The following MAP2K6 variants were observed in gnomAD, a reference collection of about 807,000 sequenced individuals.
MAP2K6 encodes dual specificity mitogen-activated protein kinase kinase 6.
A neutral mutation model predicts 53.7 loss-of-function variants in MAP2K6; 16 were observed. That is an observed-to-expected ratio of 0.30 (90% CI 0.20 to 0.45). The LOEUF (loss-of-function observed/expected upper bound fraction) is 0.45. MAP2K6 is among the 20% of genes least tolerant of loss of function. The pLI is 1.00. For missense variants in MAP2K6, 204 were observed against 411.9 expected (o/e 0.50, Z 4.37); for synonymous variants, 132 against 143.1 (o/e 0.92, Z 0.55).
chr17:69,449,529 T>TTTTCTTTCTTTCTTTC (rs1368624796), intron 1 of MAP2K6, among the ~76,000 whole-genome samples: 15 of 101,378 alleles, frequency 1.5e-4, no homozygotes, highest in Admixed American at 1.1e-3. Flanking sequence ...CTTTCTTTCT[T>TTTTCTTTCTTTCTTTC]TGTCTTTCTT....
chr17:69,541,601 T>C (rs1426482360), intron 11 of MAP2K6, 75 bp from the exon 12 acceptor site: 1 of 1,123,456 alleles, frequency 8.9e-7, no homozygotes, highest in Non-Finnish European at 1.3e-6. Flanking sequence ...ACCAAGCAGA[T>C]CTATTCATTT....
intron 10 of MAP2K6, among the ~76,000 whole-genome samples, chr17:69,530,306 T>A (rs1358117882): frequency 6.6e-6 from 1 of 151,820 alleles, no homozygotes; most frequent in Non-Finnish European, 1.5e-5. Flanking sequence ...CAGAGCAAGA[T>A]CCTGCCAAAA....
At chr17:69,425,546 C>T (rs1468692720) in intron 1 of MAP2K6, among the ~76,000 whole-genome samples, 1 of 152,152 alleles carries the variant, frequency 6.6e-6, no homozygotes, top group Non-Finnish European at 1.5e-5. Flanking sequence ...CTCCTGACCT[C>T]ATGATTCGCC....
chr17:69,505,166 G>A (rs1468111850), intron 1 of MAP2K6, among the ~76,000 whole-genome samples: 2 of 151,776 alleles, frequency 1.3e-5, no homozygotes, highest in African/African-American at 4.8e-5. Context: ...ACAAGGCCAG[G>A]CATGGTGGCT....
chr17:69,463,090 G>T (rs1194053746), intron 1 of MAP2K6, among the ~76,000 whole-genome samples: 2 of 151,584 alleles, frequency 1.3e-5, no homozygotes, highest in Non-Finnish European at 2.9e-5. Context: ...CTGACCTGTG[G>T]GTGCACCAGC....
intron 1 of MAP2K6, among the ~76,000 whole-genome samples, chr17:69,491,829 G>T (rs1014070921): frequency 6.6e-6 from 1 of 151,844 alleles, no homozygotes; most frequent in Non-Finnish European, 1.5e-5. Context: ...ATTCAGACTG[G>T]TCTGAGATGT....
intron 3 of MAP2K6, 26 bp downstream of exon 3, chr17:69,516,929 TA>T: frequency 6.5e-7 from 1 of 1,538,536 alleles, no homozygotes; most frequent in Non-Finnish European, 9.0e-7. Context: ...GTCTGCCACC[TA>T]ATACGTTGGC....
chr17:69,453,077 T>G (rs184866577), intron 1 of MAP2K6, among the ~76,000 whole-genome samples: 1 of 152,292 alleles, frequency 6.6e-6, no homozygotes, highest in Non-Finnish European at 1.5e-5. Flanking sequence ...ACACTTTGCC[T>G]TTTGCTGGGA....
chr17:69,499,799 C>T (rs184464656), intron 1 of MAP2K6, among the ~76,000 whole-genome samples: 6 of 152,104 alleles, frequency 3.9e-5, no homozygotes, highest in South Asian at 2.1e-4. Flanking sequence ...AAAAGGTTTG[C>T]GGGAAATGAG....
chr17:69,460,705 A>T (rs896392254), intron 1 of MAP2K6, among the ~76,000 whole-genome samples: 14 of 152,106 alleles, frequency 9.2e-5, no homozygotes, highest in Admixed American at 8.5e-4. Context: ...GGCTCAAGTG[A>T]TCCTCCCACC....
chr17:69,457,352 C>G (rs1907447123), intron 1 of MAP2K6, among the ~76,000 whole-genome samples: 1 of 152,148 alleles, frequency 6.6e-6, no homozygotes. Context: ...TGGTATTTAC[C>G]TGGAAATCTT....
At chr17:69,534,552 TTC>T (rs77579364) in intron 10 of MAP2K6, among the ~76,000 whole-genome samples, 3 of 134,442 alleles carry the variant, frequency 2.2e-5, no homozygotes, top group Non-Finnish European at 4.9e-5. Context: ...TTCAAAAACT[TTC>T]TCTCTCTCTT....
intron 4 of MAP2K6, among the ~76,000 whole-genome samples, chr17:69,518,605 G>T (rs1243780759): frequency 6.6e-6 from 1 of 152,208 alleles, no homozygotes; most frequent in Non-Finnish European, 1.5e-5. Flanking sequence ...TGGGGCTATT[G>T]TTAGGAATAA....
chr17:69,520,199 GT>G (rs370731454), intron 5 of MAP2K6, 70 bp from the exon 6 acceptor site: 24,977 of 589,592 alleles, frequency 0.042, 31 homozygotes, highest in Non-Finnish European at 0.044. Context: ...AGGGTTTACT[GT>G]TTTTTTTTTT....
intron 1 of MAP2K6, among the ~76,000 whole-genome samples, chr17:69,446,136 T>A (rs1448483212): frequency 6.6e-6 from 1 of 152,228 alleles, no homozygotes; most frequent in Non-Finnish European, 1.5e-5. Flanking sequence ...ACCTTAGCGT[T>A]ATATTTACTT....
chr17:69,474,439 A>G (rs1908072837), intron 1 of MAP2K6, among the ~76,000 whole-genome samples: 1 of 152,210 alleles, frequency 6.6e-6, no homozygotes, highest in Non-Finnish European at 1.5e-5. Context: ...GAGGTGGCTG[A>G]GTAAAATCTT....
At chr17:69,522,009 T>C (rs1910510228) in intron 7 of MAP2K6, among the ~76,000 whole-genome samples, 1 of 151,884 alleles carries the variant, frequency 6.6e-6, no homozygotes, top group Admixed American at 6.6e-5. Flanking sequence ...GGTGTGGTGG[T>C]GGGTGTCTGT....
chr17:69,436,833 A>T (rs864200), intron 1 of MAP2K6, among the ~76,000 whole-genome samples: 92,527 of 150,526 alleles, frequency 0.61, 29,104 homozygotes, highest in African/African-American at 0.76. Context: ...TTATTTATTT[A>T]TTTTTTTAGA....
intron 4 of MAP2K6, among the ~76,000 whole-genome samples, chr17:69,518,939 G>A (rs1224041214): frequency 1.3e-5 from 2 of 152,160 alleles, no homozygotes; most frequent in East Asian, 3.8e-4. Context: ...CCAAAGAAGA[G>A]CTTTTGGCTT....
Sources: allele counts gnomAD v4.1 joint callset (sites outside exome capture counted in the v4.1 genomes callset), GRCh38; gene constraint gnomAD v4.1.1; transcripts MANE v1.5; gene names NCBI Gene and HGNC (gene_info 2026-07-23, HGNC 2026-07-21).